The following PPFIA1 variants were observed in gnomAD, a reference collection of about 807,000 sequenced individuals.
PPFIA1 encodes PPFI scaffold protein A1, also known as liprin-alpha-1.
In PPFIA1, 25 loss-of-function variants were observed where a neutral mutation model predicts 149.9. The ratio of observed to expected loss-of-function variants is 0.17; its 90% CI spans 0.12 to 0.23. PPFIA1 has a LOEUF of 0.23. Among genes scored for constraint, PPFIA1 ranks in the 10% least tolerant of loss-of-function variants. The probability of loss-of-function intolerance (pLI) is 1.00; values close to 1 mark genes in which losing one functional copy is unlikely to be tolerated. For synonymous variants in PPFIA1, 549 were observed against 552.8 expected, an observed-to-expected ratio of 0.99 and a Z score of 0.10; for missense variants, 1,362 against 1,506.5, an observed-to-expected ratio of 0.90 and a Z score of 1.59.
intron 16 of PPFIA1, chr11:70,350,968 T>C (rs1474050715): frequency 8.0e-7 from 1 of 1,243,590 alleles, no homozygotes; most frequent in South Asian, 1.4e-5. Context: ...CTGGTTTCTC[T>C]TCATTTCTTT....
At chr11:70,326,132 G>A (rs1372955590) in intron 5 of PPFIA1, 130 bp from the exon 6 acceptor site, 5 of 589,518 alleles carry the variant, frequency 8.5e-6, no homozygotes, top group Non-Finnish European at 1.2e-5. Flanking sequence ...GGGTAGCATT[G>A]CCATATGCTT....
chr11:70,296,015 G>A (rs1468308721), intron 2 of PPFIA1, among the ~76,000 whole-genome samples: 17 of 151,896 alleles, frequency 1.1e-4, no homozygotes, highest in African/African-American at 3.9e-4. Context: ...GGTCGCGACC[G>A]GGCAGAGGCG....
At chr11:70,325,614 GT>G (rs778125455) in intron 5 of PPFIA1, 40 bp downstream of exon 5, 31 of 1,404,910 alleles carry the variant, frequency 2.2e-5, no homozygotes, top group African/African-American at 1.0e-4. Context: ...TTGGGGGGGG[GT>G]TATTTTTATC....
Position 70,326,264 on chromosome 11 carries a change from A to G in PPFIA1, c.609A>G (p.Leu203=), listed in dbSNP as rs2054279868. The change falls in exon 6 of 28, where the codon CTA becomes CTG. Residue 203 remains leucine, a splice_region_variant and synonymous_variant. Coordinates refer to ENST00000253925, the MANE Select transcript of PPFIA1 (RefSeq NM_003626.5). ...EEELGATHKE[L]MILKEQNNQK... ...CATATTCAATTTTTTGCTTTCAGCTAATGATTCTTAAAGAACAGAATAATC... is the reference window on the plus strand; with the variant it reads ...CATATTCAATTTTTTGCTTTCAGCTGATGATTCTTAAAGAACAGAATAATC... 6.3e-7 allele frequency: 1 copy of G among 1,578,094 alleles called. No individual in the cohort carries two copies. The highest frequency in any genetic ancestry group is 8.6e-7 in the Non-Finnish European group (1 of 1,156,236).
chr11:70,308,414 T>C (rs1360998199), intron 2 of PPFIA1, among the ~76,000 whole-genome samples: 2 of 152,246 alleles, frequency 1.3e-5, no homozygotes, highest in African/African-American at 2.4e-5. Context: ...AGACAGTTTA[T>C]GATTCATTGA....
Position 70,324,867 on chromosome 11 carries a change from A to G in PPFIA1, c.387A>G (p.Glu129=), listed in dbSNP as rs1388470876. The G allele has an allele frequency of 6.3e-7, 1 of 1,590,520 alleles. No homozygotes were observed. ...TTCAGCTGCTGTTAGAGCATTTGGA[A>G]TGCCTTGTCTCCAGGCATGAGCGGT... The part of the protein sequence containing the change: ...NNTRLLLEHL[E]CLVSRHERSL... The change falls in exon 4 of 28, where the codon GAA becomes GAG. Residue 129 remains glutamate, a synonymous_variant. Transcript: ENST00000253925.
intron 3 of PPFIA1, 43 bp downstream of exon 3, chr11:70,324,546 T>C: frequency 2.7e-6 from 4 of 1,485,594 alleles, no homozygotes; most frequent in Non-Finnish European, 3.7e-6. Context: ...CTGGAGCCAC[T>C]GTCAGGAGGA....
rs768296527 is a variant in PPFIA1, at chr11:70,362,454, T to C, written c.2831T>C (p.Leu944Pro). The C allele has an allele frequency of 1.2e-6, 2 of 1,614,094 alleles. No homozygotes were observed. The highest frequency in any genetic ancestry group is 1.1e-5 in the South Asian group (1 of 91,080). The change falls in exon 21 of 28, where the codon CTG becomes CCG. Residue 944 changes from leucine to proline, a missense_variant. Transcript: ENST00000253925. ...LRLAIQEIMS[L>P]TSPSAPPTSR... ...CTGGCCATCCAGGAGATCATGTCGC[T>C]GACCAGCCCGTCTGCCCCGCCCACA... is the stretch of plus-strand genomic sequence containing the variant.
intron 2 of PPFIA1, among the ~76,000 whole-genome samples, chr11:70,273,502 T>G (rs1349745021): frequency 1.3e-5 from 2 of 152,146 alleles, no homozygotes; most frequent in African/African-American, 4.8e-5. Context: ...CATAAGTGCC[T>G]TTGGGGTGCA....
At chr11:70,280,385 A>C (rs2050683309) in intron 2 of PPFIA1, among the ~76,000 whole-genome samples, 1 of 152,036 alleles carries the variant, frequency 6.6e-6, no homozygotes. Flanking sequence ...CCTGGCCAAC[A>C]TGGTGAAACC....
intron 21 of PPFIA1, chr11:70,366,021 A>G (rs907720747): frequency 2.2e-6 from 1 of 449,374 alleles, no homozygotes; most frequent in South Asian, 1.6e-5. Flanking sequence ...GCAAAAAGCA[A>G]TTGGAGTATG....
chr11:70,360,345 C>T (rs1189106732), intron 19 of PPFIA1, among the ~76,000 whole-genome samples: 1 of 152,236 alleles, frequency 6.6e-6, no homozygotes, highest in East Asian at 1.9e-4. Flanking sequence ...TTTTTATTTA[C>T]AGTGAGTATC....
At chr11:70,277,060 A>ATTTT (rs1555076271) in intron 2 of PPFIA1, among the ~76,000 whole-genome samples, 762 of 66,234 alleles carry the variant, frequency 0.012, 48 homozygotes, top group African/African-American at 0.058. Flanking sequence ...ATATATATAT[A>ATTTT]TTTTTTTTTT....
intron 10 of PPFIA1, among the ~76,000 whole-genome samples, chr11:70,333,784 C>T (rs927295985): frequency 6.6e-6 from 1 of 152,172 alleles, no homozygotes; most frequent in African/African-American, 2.4e-5. Flanking sequence ...AATTTGAGAT[C>T]CTAGGCAGTA....
chr11:70,337,127 C>G (rs940913485), intron 11 of PPFIA1, among the ~76,000 whole-genome samples: 1 of 152,190 alleles, frequency 6.6e-6, no homozygotes, highest in Non-Finnish European at 1.5e-5. Flanking sequence ...GCACCATGAA[C>G]TTGACATACC....
intron 2 of PPFIA1, among the ~76,000 whole-genome samples, chr11:70,305,164 C>T (rs1251370233): frequency 2.0e-5 from 3 of 152,082 alleles, no homozygotes; most frequent in East Asian, 1.9e-4. Flanking sequence ...ACCAAATGGT[C>T]GTGTCAATTG....
intron 8 of PPFIA1, among the ~76,000 whole-genome samples, chr11:70,330,714 C>T (rs940762260): frequency 2.0e-5 from 3 of 152,024 alleles, no homozygotes; most frequent in Admixed American, 1.3e-4. Flanking sequence ...TCTAACACTT[C>T]GGGAGGCTGA....
chr11:70,362,566 G>A, intron 21 of PPFIA1, 78 bp downstream of exon 21: 3 of 1,413,416 alleles, frequency 2.1e-6, no homozygotes, highest in Non-Finnish European at 2.9e-6. Flanking sequence ...TGTTTACATT[G>A]CTTCTCCAGT....
intron 16 of PPFIA1, chr11:70,350,981 A>T (rs942364735): frequency 8.0e-7 from 1 of 1,253,866 alleles, no homozygotes; most frequent in African/African-American, 1.5e-5. Flanking sequence ...ATTTCTTTGC[A>T]TGCATCTATC....
Sources: gnomAD v4.1 joint callset for allele counts (sites outside exome capture counted in the v4.1 genomes callset) on GRCh38, gnomAD v4.1.1 for gene constraint, MANE v1.5 for transcripts, NCBI Gene and HGNC (gene_info 2026-07-23, HGNC 2026-07-21) for gene names.